RAD51B: variants seen among roughly 807,000 people sequenced by gnomAD.
RAD51B encodes DNA repair protein RAD51 homolog 2.
RAD51B carries 38 observed loss-of-function variants against 42.2 expected under a neutral mutation model. The ratio of observed to expected loss-of-function variants is 0.90; its 90% CI spans 0.70 to 1.18. The LOEUF is 1.18. Ranked by LOEUF, RAD51B falls within the 50% of genes most tolerant of loss-of-function variation. The probability of loss-of-function intolerance (pLI) is 0.00; values close to 1 mark genes in which losing one functional copy is unlikely to be tolerated. For missense variants in RAD51B, 373 were observed against 400.7 expected (o/e 0.93, Z 0.59); for synonymous variants, 154 against 145.2 (o/e 1.06, Z -0.43).
chr14:68,204,849 A>T (rs559540924), intron 7 of RAD51B, among the ~76,000 whole-genome samples: 1 of 152,230 alleles, frequency 6.6e-6, no homozygotes, highest in Non-Finnish European at 1.5e-5. Context: ...TCTTTCAAGT[A>T]TACACTGTAT....
rs552291001 is a variant in RAD51B at position 68,538,155 on chromosome 14, C to T, written c.1037-56330C>T. On this transcript the variant is annotated intron_variant, in intron 10 of 10. Coordinates refer to the RAD51B transcript ENST00000487270. The stretch of plus-strand genomic sequence containing the variant: ...CACCTCACATTCTGGGTCCCAGGTT[C>T]CCAGAGTCCTGTCAAATGTCACCAA... 2.0e-5 allele frequency among the ~76,000 whole-genome samples: 3 copies of T among 152,360 alleles called. No homozygotes were observed. The South Asian group carries it at 6.2e-4, about 32-fold the overall frequency.
chr14:68,171,892 A>T (rs1231434161), intron 7 of RAD51B, among the ~76,000 whole-genome samples: 1 of 151,700 alleles, frequency 6.6e-6, no homozygotes. Flanking sequence ...TTTTTAGTAG[A>T]TACAAGGTTT....
intron 7 of RAD51B, among the ~76,000 whole-genome samples, chr14:67,894,774 C>T (rs1341419708): frequency 6.6e-6 from 1 of 151,994 alleles, no homozygotes; most frequent in Non-Finnish European, 1.5e-5. Flanking sequence ...CTTAAATGTC[C>T]CATTCTTTTT....
chr14:68,041,269 C>T (rs570833105), intron 7 of RAD51B, among the ~76,000 whole-genome samples: 3 of 152,258 alleles, frequency 2.0e-5, no homozygotes, highest in East Asian at 1.9e-4. Context: ...CCTGTGGAAC[C>T]GTGAGCCAAC....
intron 7 of RAD51B, among the ~76,000 whole-genome samples, chr14:67,963,468 T>G (rs1475673648): frequency 6.6e-6 from 1 of 152,182 alleles, no homozygotes; most frequent in Non-Finnish European, 1.5e-5. Context: ...AGTGATACAA[T>G]GAATTTATTG....
chr14:68,391,660 C>A (rs898195728), intron 8 of RAD51B, among the ~76,000 whole-genome samples: 2 of 151,666 alleles, frequency 1.3e-5, no homozygotes, highest in South Asian at 2.1e-4. Flanking sequence ...TATCATGAAG[C>A]CTTTGACTTT....
chr14:68,648,113 G>A (rs540241291), intron 10 of RAD51B, among the ~76,000 whole-genome samples: 1,311 of 60,100 alleles, frequency 0.022, 73 homozygotes, highest in African/African-American at 0.067. Context: ...ATACACACAC[G>A]TATATATATA....
chr14:67,895,873 A>AT (rs1238712664), intron 7 of RAD51B, among the ~76,000 whole-genome samples: 2 of 149,962 alleles, frequency 1.3e-5, no homozygotes, highest in African/African-American at 4.9e-5. Flanking sequence ...TCCTTTCTAA[A>AT]TTTTTTTCTT....
At chr14:68,377,532 T>C (rs1449378610) in intron 8 of RAD51B, among the ~76,000 whole-genome samples, 1 of 152,236 alleles carries the variant, frequency 6.6e-6, no homozygotes, top group East Asian at 1.9e-4. Flanking sequence ...ATACCTTTCT[T>C]TCAAATTGCT....
chr14:68,292,372 A>C (rs953914831), intron 8 of RAD51B, among the ~76,000 whole-genome samples: 1 of 152,182 alleles, frequency 6.6e-6, no homozygotes, highest in Non-Finnish European at 1.5e-5. Context: ...CATCAGTTTC[A>C]TGTGCCAGAG....
intron 7 of RAD51B, among the ~76,000 whole-genome samples, chr14:67,984,588 T>C (rs140182272): frequency 4.6e-5 from 7 of 152,356 alleles, no homozygotes; most frequent in African/African-American, 1.2e-4. Flanking sequence ...TGTCAATCTT[T>C]GTTCAGTCTG....
At chr14:68,673,929 GCACA>G (rs200502364) in intron 11 of RAD51B, among the ~76,000 whole-genome samples, 2 of 146,184 alleles carry the variant, frequency 1.4e-5, no homozygotes, top group Admixed American at 6.8e-5. Context: ...ATGTATATGT[GCACA>G]CACACACATA....
At chr14:68,052,681 TGC>T (rs1430098675) in intron 7 of RAD51B, among the ~76,000 whole-genome samples, 1 of 151,838 alleles carries the variant, frequency 6.6e-6, no homozygotes, top group Non-Finnish European at 1.5e-5. Context: ...AGTGCAATGG[TGC>T]CATCATAGCT....
intron 8 of RAD51B, among the ~76,000 whole-genome samples, chr14:68,331,135 G>A (rs148285387): frequency 0.02 from 3,105 of 152,060 alleles, 57 homozygotes; most frequent in Non-Finnish European, 0.036. Flanking sequence ...AGGCCAAGGC[G>A]GGTAGATCAT....
At chr14:68,012,978 A>G (rs2140333337) in intron 7 of RAD51B, among the ~76,000 whole-genome samples, 1 of 152,314 alleles carries the variant, frequency 6.6e-6, no homozygotes, top group East Asian at 1.9e-4. Context: ...GTAACAGATT[A>G]CCCCACAACT....
intron 7 of RAD51B, among the ~76,000 whole-genome samples, chr14:68,210,091 C>CTAGG (rs1281889517): frequency 6.6e-6 from 1 of 152,014 alleles, no homozygotes; most frequent in East Asian, 1.9e-4. Context: ...TCCTGAGGAG[C>CTAGG]TAGGACAACA....
chr14:68,527,023 T>G (rs887350117), intron 10 of RAD51B, among the ~76,000 whole-genome samples: 2 of 152,164 alleles, frequency 1.3e-5, no homozygotes, highest in African/African-American at 4.8e-5. Flanking sequence ...CTTTGGTCTG[T>G]GACTTGCCCA....
Position 67,995,549 on chromosome 14 carries a change from C to T in RAD51B, c.756+108345C>T, listed in dbSNP as rs1314824719. ...CCAAGTTAGAAATATGGATGTCAACCCATACTGCTTTTTTCCCCCCTCTGA... is the reference window on the plus strand; with the variant it reads ...CCAAGTTAGAAATATGGATGTCAACTCATACTGCTTTTTTCCCCCCTCTGA... On this transcript the variant is annotated intron_variant, in intron 7 of 10. Coordinates refer to ENST00000471583, the MANE Select transcript of RAD51B (RefSeq NM_133510.4). Among the ~76,000 whole-genome samples the T allele has an allele frequency of 5.3e-5, 8 of 152,160 alleles. No homozygotes were observed. The East Asian group carries it at 1.5e-3, about 29-fold the overall frequency.
intron 7 of RAD51B, among the ~76,000 whole-genome samples, chr14:67,913,988 T>C (rs1245931218): frequency 1.0e-5 from 1 of 98,592 alleles, no homozygotes; most frequent in African/African-American, 4.0e-5. Flanking sequence ...ATGAGTTCAA[T>C]TTTTTTTTTT....
Sources: gnomAD v4.1 joint callset for allele counts (sites outside exome capture counted in the v4.1 genomes callset) on GRCh38, gnomAD v4.1.1 for gene constraint, MANE v1.5 for transcripts, NCBI Gene and HGNC (gene_info 2026-07-23, HGNC 2026-07-21) for gene names.